Variants in CHD1L observed in about 807,000 individuals in gnomAD.
The protein encoded by CHD1L is chromodomain helicase DNA binding protein 1 like.
Under a neutral mutation model 115.9 loss-of-function variants are expected in CHD1L, and 118 were observed. That is an observed-to-expected ratio of 1.02 (90% CI 0.88 to 1.19). The LOEUF (loss-of-function observed/expected upper bound fraction) is 1.19. Among genes scored for constraint, CHD1L ranks in the 50% most tolerant of loss-of-function variants. CHD1L has a pLI of 0.00. For missense variants in CHD1L, 1,179 were observed against 1,065.3 expected (o/e 1.11, Z -1.49); for synonymous variants, 411 against 387.1 (o/e 1.06, Z -0.72).
chr1:147,265,281 T>C (rs1673457268), intron 7 of CHD1L, among the ~76,000 whole-genome samples: 1 of 152,154 alleles, frequency 6.6e-6, no homozygotes. Context: ...ATGTTTTGGG[T>C]TACCTGACAA....
chr1:147,259,954 C>T lies in CHD1L; in HGVS notation c.576+36C>T, dbSNP rs782804761. The T allele has an allele frequency of 8.2e-6, 12 of 1,457,230 alleles. No homozygotes were observed. The Admixed American group carries it at 1.7e-4, about 21-fold the overall frequency. 90.3% of individuals were successfully genotyped at this position (1,457,230 alleles called of 1,614,324 possible). A position where few individuals can be genotyped will look rare whatever the true frequency, so the allele number is the denominator to read the frequency against. On this transcript the variant is annotated intron_variant, in intron 6 of 22. Transcript: ENST00000369258. ...AGTGTAGCCTTAGTTTTTATATAAC[C>T]CCTTCTTTTTAAATATACATTATAT...
At chr1:147,230,845 T>C in the CHD1L span, among the ~76,000 whole-genome samples, 2 of 151,592 alleles carry the variant, frequency 1.3e-5, no homozygotes, top group African/African-American at 2.4e-5. Flanking sequence ...TCTGTGGGAT[T>C]GGTGGTGATA....
chr1:147,280,151 G>T lies in CHD1L; in HGVS notation c.1665G>T (p.Leu555Phe). Reference protein sequence around the residue: ...TKDGQWVSDALPAAEGGSRDQ... With the variant: ...TKDGQWVSDAFPAAEGGSRDQ... Reference sequence around the variant, plus strand: ...ATGGCCAGTGGGTCTCTGATGCCTTGCCTGCAGCAGAAGGAGGGAGCAGAG... The same window carrying T: ...ATGGCCAGTGGGTCTCTGATGCCTTTCCTGCAGCAGAAGGAGGGAGCAGAG... Residue 555 changes from leucine (L) to phenylalanine (F), a missense_variant, in exon 15 of 23, where the codon TTG (leucine) becomes TTT (phenylalanine). Leu to Phe is a conservative substitution (Grantham distance 22). Coordinates refer to ENST00000369258, the MANE Select transcript of CHD1L (RefSeq NM_004284.6). 6.2e-7 allele frequency: 1 copy of T among 1,611,894 alleles called. No homozygotes were observed. Among genetic ancestry groups the T allele is most frequent in the South Asian group, 1.1e-5 (1 of 90,702 alleles).
chr1:147,292,263 A>G (rs1219315771), intron 20 of CHD1L, among the ~76,000 whole-genome samples: 3 of 152,228 alleles, frequency 2.0e-5, no homozygotes, highest in South Asian at 4.1e-4. Context: ...GAAAATTTCT[A>G]TGAAAGATTG....
At chr1:147,218,773 G>A in the CHD1L span, among the ~76,000 whole-genome samples, 1 of 152,106 alleles carries the variant, frequency 6.6e-6, no homozygotes, top group African/African-American at 2.4e-5. Context: ...AAACACTCTA[G>A]GCTCTTGCAC....
chr1:147,242,612 G>A, upstream of CHD1L: 4 of 1,192,140 alleles, frequency 3.4e-6, no homozygotes, highest in African/African-American at 1.6e-5. Context: ...CTCGTAGGTG[G>A]GCCCCAGCGC....
chr1:147,252,325 G>A (rs1214897894), intron 1 of CHD1L, among the ~76,000 whole-genome samples: 2 of 152,184 alleles, frequency 1.3e-5, no homozygotes, highest in African/African-American at 4.8e-5. Flanking sequence ...ACACTGGTGT[G>A]AGTCTCAGGC....
chr1:147,185,944 A>C, the CHD1L span, among the ~76,000 whole-genome samples: 7,529 of 152,292 alleles, frequency 0.049, 195 homozygotes, highest in African/African-American at 0.07. Context: ...ATGTTCCTAC[A>C]TTTAGTTAAT....
At chr1:147,231,372 C>T in the CHD1L span, among the ~76,000 whole-genome samples, 1 of 152,116 alleles carries the variant, frequency 6.6e-6, no homozygotes. Context: ...GTCTGAGAGA[C>T]AGTTTGTTAT....
At chr1:147,262,193 C>G (rs1553944600) in intron 6 of CHD1L, among the ~76,000 whole-genome samples, 1 of 33,732 alleles carries the variant, frequency 3.0e-5, no homozygotes, top group African/African-American at 1.3e-4. Context: ...GAGACTCTGT[C>G]TCAAAAAAAA....
At chr1:147,194,076 CTCGTTGA>C in the CHD1L span, among the ~76,000 whole-genome samples, 3 of 152,064 alleles carry the variant, frequency 2.0e-5, no homozygotes, top group African/African-American at 7.3e-5. Flanking sequence ...AACCTTCTGT[CTCGTTGA>C]TCTGTCTAAT....
chr1:147,285,320 C>G lies in CHD1L; in HGVS notation c.1855-4C>G. 6.2e-7 allele frequency: 1 copy of G among 1,608,188 alleles called. No homozygotes were observed. Among genetic ancestry groups the G allele is most frequent in the African/African-American group, 1.3e-5 (1 of 74,452 alleles). On this transcript the variant is annotated splice_polypyrimidine_tract_variant and splice_region_variant and intron_variant, in intron 16 of 22. Coordinates refer to ENST00000369258, the MANE Select transcript of CHD1L (RefSeq NM_004284.6). ...CCTGGTGATGGATCTTGTTCTTCCTCTAGGTTCTCATCCCAGGCCTTGTGG... is the reference window on the plus strand; with the variant it reads ...CCTGGTGATGGATCTTGTTCTTCCTGTAGGTTCTCATCCCAGGCCTTGTGG...
the CHD1L span, chr1:147,225,060 G>T: frequency 7.8e-5 from 126 of 1,613,748 alleles, 1 homozygote; most frequent in East Asian, 2.6e-3. Flanking sequence ...TGTTAGTGTC[G>T]CCTGTCCTAA....
intron 6 of CHD1L, among the ~76,000 whole-genome samples, chr1:147,262,866 A>T (rs1672456707): frequency 6.6e-6 from 1 of 152,174 alleles, no homozygotes. Context: ...AAAGGAAAAC[A>T]TCCCAGTAAT....
At chr1:147,177,356 C>T in the CHD1L span, among the ~76,000 whole-genome samples, 1 of 152,142 alleles carries the variant, frequency 6.6e-6, no homozygotes, top group Non-Finnish European at 1.5e-5. Flanking sequence ...TGAGTTCATA[C>T]TGATACAAGT....
intron 17 of CHD1L, among the ~76,000 whole-genome samples, chr1:147,285,705 C>T (rs926835611): frequency 6.6e-6 from 1 of 152,006 alleles, no homozygotes; most frequent in African/African-American, 2.4e-5. Context: ...GAATTGTTTT[C>T]TTTTTTCTTT....
chr1:147,243,868 A>G (rs1665736934), intron 1 of CHD1L, among the ~76,000 whole-genome samples: 1 of 152,216 alleles, frequency 6.6e-6, no homozygotes, highest in South Asian at 2.1e-4. Context: ...GTACCACGAA[A>G]GAGTAAGGTT....
chr1:147,243,214 G>A (rs1553932328), intron 1 of CHD1L, among the ~76,000 whole-genome samples: 4 of 152,114 alleles, frequency 2.6e-5, no homozygotes, highest in Non-Finnish European at 5.9e-5. Context: ...CCGGCCTGGG[G>A]AGTTTATTGG....
At chr1:147,266,276 C>G (rs1673886730) in intron 8 of CHD1L, among the ~76,000 whole-genome samples, 189 bp downstream of exon 8, 3 of 152,150 alleles carry the variant, frequency 2.0e-5, no homozygotes, top group Admixed American at 2.0e-4. Context: ...TTGGTTGTTG[C>G]AGTTGTGAAA....
Sources: gnomAD v4.1 joint callset for allele counts (sites outside exome capture counted in the v4.1 genomes callset) on GRCh38, gnomAD v4.1.1 for gene constraint, MANE v1.5 for transcripts, NCBI Gene and HGNC (gene_info 2026-07-23, HGNC 2026-07-21) for gene names.